The following ZSCAN5A variants were observed in gnomAD, a reference collection of about 807,000 sequenced individuals.
ZSCAN5A encodes the protein zinc finger and SCAN domain containing 5A.
A neutral mutation model predicts 23.7 loss-of-function variants in ZSCAN5A; 12 were observed. The observed-to-expected ratio is 0.51, with a 90% confidence interval of 0.32 to 0.82. The LOEUF (loss-of-function observed/expected upper bound fraction) is 0.82, where lower values mean the gene tolerates loss of function less well. Ranked by LOEUF, ZSCAN5A falls within the 40% of genes least tolerant of loss-of-function variation. The pLI, the probability that ZSCAN5A is intolerant of heterozygous loss-of-function variation, is 0.03. For missense variants in ZSCAN5A, 597 were observed against 617.9 expected (o/e 0.97, Z 0.36); for synonymous variants, 257 against 239.9 (o/e 1.07, Z -0.66).
chr19:56,314,567 C>G (rs1313211823), intron 1 of ZSCAN5A, 114 bp downstream of exon 1: 1 of 152,346 alleles, frequency 6.6e-6, no homozygotes, highest in African/African-American at 2.4e-5. Flanking sequence ...GAATCTCCCC[C>G]TCCTCCCACG....
chr19:56,279,419 GCAAAATGGA>G (rs955802690), intron 2 of ZSCAN5A, among the ~76,000 whole-genome samples: 3 of 152,164 alleles, frequency 2.0e-5, no homozygotes, highest in African/African-American at 7.2e-5. Context: ...AAAGAGCCTT[GCAAAATGGA>G]AAGGACTGTG....
chr19:56,300,331 G>A (rs942976877), intron 2 of ZSCAN5A, among the ~76,000 whole-genome samples: 4 of 152,162 alleles, frequency 2.6e-5, no homozygotes, highest in African/African-American at 9.7e-5. Flanking sequence ...GAACTTGACA[G>A]CTCTATTTGC....
intron 2 of ZSCAN5A, among the ~76,000 whole-genome samples, chr19:56,353,021 T>A (rs1403610208): frequency 6.6e-6 from 1 of 152,128 alleles, no homozygotes; most frequent in Non-Finnish European, 1.5e-5. Context: ...CCCACTGGAG[T>A]CAGTAGCATA....
chr19:56,277,921 A>G (rs2038386505), intron 2 of ZSCAN5A, among the ~76,000 whole-genome samples: 1 of 152,216 alleles, frequency 6.6e-6, no homozygotes, highest in Non-Finnish European at 1.5e-5. Flanking sequence ...ATATTTGAAA[A>G]ATAAGGATAA....
At chr19:56,345,825 A>T (rs1012061412) in intron 2 of ZSCAN5A, among the ~76,000 whole-genome samples, 1 of 152,234 alleles carries the variant, frequency 6.6e-6, no homozygotes, top group African/African-American at 2.4e-5. Context: ...CTAACTGTCT[A>T]AACTATACAC....
intron 2 of ZSCAN5A, chr19:56,322,047 G>A (rs989635330): frequency 2.3e-4 from 180 of 773,468 alleles, no homozygotes; most frequent in South Asian, 1.2e-4. Context: ...CTCTGGTGAC[G>A]GCATCTAGTG....
intron 2 of ZSCAN5A, among the ~76,000 whole-genome samples, chr19:56,323,820 G>T (rs751241827): frequency 1.3e-5 from 2 of 152,078 alleles, no homozygotes; most frequent in Non-Finnish European, 2.9e-5. Context: ...ACAGTCATGA[G>T]CCACCATGCC....
chr19:56,248,511 G>A (rs983043193), intron 2 of ZSCAN5A, among the ~76,000 whole-genome samples: 3 of 151,972 alleles, frequency 2.0e-5, no homozygotes, highest in African/African-American at 2.4e-5. Context: ...TGCCTGCCTC[G>A]GCCCCCCAAA....
At chr19:56,353,120 T>C (rs2041677965) in intron 2 of ZSCAN5A, among the ~76,000 whole-genome samples, 1 of 152,152 alleles carries the variant, frequency 6.6e-6, no homozygotes. Flanking sequence ...ACCGCATGGA[T>C]GAGGAGAAGG....
intron 2 of ZSCAN5A, among the ~76,000 whole-genome samples, chr19:56,245,697 C>G (rs916547001): frequency 3.9e-5 from 6 of 152,226 alleles, no homozygotes; most frequent in Non-Finnish European, 8.8e-5. Flanking sequence ...GATGAATGAA[C>G]TGAAGGTCCC....
At position 56,251,075 on chromosome 19, in the gene ZSCAN5A, G is replaced by A. The variant is rs188724770; in HGVS notation, c.-127-25902C>T. Among the ~76,000 whole-genome samples, 314 of 151,822 alleles carry A rather than the reference G, an allele frequency of 2.1e-3. 2 individuals are homozygous for A. Among genetic ancestry groups the A allele is most frequent in the Non-Finnish European group, 1.1e-3 (72 of 67,940 alleles). On this transcript the variant is annotated intron_variant, in intron 2 of 5. Coordinates refer to ENST00000683990, the MANE Select transcript of ZSCAN5A (RefSeq NM_001322064.3). ...TGGGGCAGGAGAATCGCTTGAACCC[G>A]GGTGGCAGAGATTGCAGTGAGCCAA...
rs537458423 is a variant in ZSCAN5A, at chr19:56,233,641, T to A, written c.-127-8468A>T. 3.4e-4 allele frequency among the ~76,000 whole-genome samples: 51 copies of A among 151,496 alleles called. 1 individual carries two copies. Among genetic ancestry groups the A allele is most frequent in the African/African-American group, 1.2e-3 (51 of 41,274 alleles). ...TTTTTTTTTTTTGGAGATCTCCAAC[T>A]TTTTTTCACAGCTGCTTAAAAAAAA... On this transcript the variant is annotated intron_variant, in intron 2 of 5. Transcript: ENST00000683990.
Position 56,258,830 on chromosome 19 carries a change from G to A in ZSCAN5A, c.-127-33657C>T, listed in dbSNP as rs548525472. ...GAAGGGACATTGCGTGACTCCTGAG[G>A]CTAGGTCAGAAAAGACGACACAACC... is the stretch of plus-strand genomic sequence containing the variant. On this transcript the variant is annotated intron_variant, in intron 2 of 5. Transcript: ENST00000683990. Among the ~76,000 whole-genome samples the A allele has an allele frequency of 9.9e-5, 15 of 152,240 alleles. No homozygotes were observed. In the East Asian group the frequency reaches 2.3e-3, roughly 24 times the overall value.
At chr19:56,344,764 G>A (rs1424465859) in intron 2 of ZSCAN5A, among the ~76,000 whole-genome samples, 5 of 150,770 alleles carry the variant, frequency 3.3e-5, no homozygotes, top group African/African-American at 9.8e-5. Flanking sequence ...TTAGCCGGGC[G>A]CGGTGGCGGG....
intron 2 of ZSCAN5A, chr19:56,322,135 A>G: frequency 1.3e-6 from 1 of 766,928 alleles, no homozygotes; most frequent in Non-Finnish European, 2.4e-6. Context: ...TCAGTAGCTG[A>G]GCGTCTCTGG....
intron 2 of ZSCAN5A, chr19:56,342,481 T>C: frequency 2.5e-6 from 1 of 403,758 alleles, no homozygotes; most frequent in Non-Finnish European, 5.1e-6. Context: ...GCAAATTCTG[T>C]GTGGGCTGGA....
intron 2 of ZSCAN5A, among the ~76,000 whole-genome samples, chr19:56,244,809 T>A (rs774886271): frequency 6.7e-6 from 1 of 148,868 alleles, no homozygotes; most frequent in Non-Finnish European, 1.5e-5. Context: ...TCTGATGGAA[T>A]GTAGGGAAGG....
intron 2 of ZSCAN5A, chr19:56,244,034 C>T: frequency 1.2e-6 from 1 of 852,644 alleles, no homozygotes; most frequent in Non-Finnish European, 1.9e-6. Flanking sequence ...GAAATATTCT[C>T]CACCAGATAT....
intron 2 of ZSCAN5A, chr19:56,319,845 TTAG>T (rs2041356705): frequency 2.5e-6 from 2 of 784,688 alleles, no homozygotes; most frequent in African/African-American, 3.4e-5. Flanking sequence ...GCAGTTTTCA[TTAG>T]TATAAAGAGC....
Sources: gnomAD v4.1 joint callset for allele counts (sites outside exome capture counted in the v4.1 genomes callset) on GRCh38, gnomAD v4.1.1 for gene constraint, MANE v1.5 for transcripts, NCBI Gene and HGNC (gene_info 2026-07-23, HGNC 2026-07-21) for gene names.